ASB7: variants seen among roughly 807,000 people sequenced by gnomAD.
The protein encoded by ASB7 is ankyrin repeat and SOCS box protein 7.
In ASB7, 4 loss-of-function variants were observed where a neutral mutation model predicts 32.5. The ratio of observed to expected loss-of-function variants is 0.12; its 90% CI spans 0.06 to 0.28. The LOEUF (loss-of-function observed/expected upper bound fraction) is 0.28. Ranked by LOEUF, ASB7 falls within the 10% of genes least tolerant of loss-of-function variation. ASB7 has a pLI of 1.00. For missense variants in ASB7, 181 were observed against 407.1 expected (o/e 0.44, Z 4.78); for synonymous variants, 172 against 155.6 (o/e 1.11, Z -0.78).
At chr15:100,636,102 G>C (rs1009721093) in intron 5 of ASB7, among the ~76,000 whole-genome samples, 1 of 152,152 alleles carries the variant, frequency 6.6e-6, no homozygotes, top group African/African-American at 2.4e-5. Flanking sequence ...TACCATTTCA[G>C]TGTTCGTCAA....
At chr15:100,607,388 C>A (rs144190043) in intron 2 of ASB7, among the ~76,000 whole-genome samples, 9 of 152,262 alleles carry the variant, frequency 5.9e-5, no homozygotes, top group African/African-American at 2.2e-4. Flanking sequence ...CTCTGTCAGG[C>A]GCAGCTCTCA....
At position 100,610,708 on chromosome 15, in the gene ASB7, C is replaced by G. The variant is rs190773046; in HGVS notation, c.-52+880C>G. On this transcript the variant is annotated intron_variant, in intron 3 of 5. Coordinates refer to ENST00000332783, the MANE Select transcript of ASB7 (RefSeq NM_198243.3). The stretch of plus-strand genomic sequence containing the variant: ...ACCTAGGCCTAAGTTTACTTTTGTA[C>G]AGTCTATAGTAAGTTTTGCAAGATA... 8.9e-3 allele frequency among the ~76,000 whole-genome samples: 1,360 copies of G among 152,236 alleles called. 12 individuals carry two copies. Among genetic ancestry groups the G allele is most frequent in the Middle Eastern group, 0.024 (7 of 294 alleles).
rs188873641 is a variant in ASB7 at position 100,634,776 on chromosome 15, C to T, written c.817+4734C>T. Among the ~76,000 whole-genome samples the T allele has an allele frequency of 9.3e-4, 142 of 152,262 alleles. 1 individual carries two copies. The highest frequency in any genetic ancestry group is 1.2e-3 in the Non-Finnish European group (84 of 68,016). On this transcript the variant is annotated intron_variant, in intron 5 of 5. Transcript: ENST00000332783. Reference sequence around the variant, plus strand: ...CCGAGATCACGCCACTGCACTCCAGCCTGGGTGACAGAGTGAGACTCCATC... The same window carrying T: ...CCGAGATCACGCCACTGCACTCCAGTCTGGGTGACAGAGTGAGACTCCATC...
At chr15:100,643,904 C>T (rs1415436613) in intron 5 of ASB7, among the ~76,000 whole-genome samples, 1 of 152,154 alleles carries the variant, frequency 6.6e-6, no homozygotes, top group Non-Finnish European at 1.5e-5. Flanking sequence ...TACGTCAACT[C>T]TTTCCTCTTC....
intron 5 of ASB7, among the ~76,000 whole-genome samples, chr15:100,644,559 G>A (rs941391727): frequency 6.6e-6 from 1 of 152,206 alleles, no homozygotes; most frequent in Admixed American, 6.5e-5. Context: ...TATTCGCCGA[G>A]TACCGTGTCA....
intron 5 of ASB7, among the ~76,000 whole-genome samples, chr15:100,644,267 C>T (rs2039982693): frequency 6.6e-6 from 1 of 152,100 alleles, no homozygotes; most frequent in Non-Finnish European, 1.5e-5. Flanking sequence ...GTAAATAATA[C>T]TTAAAAAGAG....
intron 4 of ASB7, among the ~76,000 whole-genome samples, chr15:100,626,752 T>C (rs2141398061): frequency 6.6e-6 from 1 of 152,262 alleles, no homozygotes; most frequent in Non-Finnish European, 1.5e-5. Flanking sequence ...AAAAAAACTA[T>C]ATAGTATACA....
In ASB7 at chr15:100,618,624, T is replaced by G. The variant is rs556131735; in HGVS notation, c.211+6197T>G. 3.3e-5 allele frequency among the ~76,000 whole-genome samples: 5 copies of G among 149,688 alleles called. No homozygotes were observed. The East Asian group carries it at 9.8e-4, about 29-fold the overall frequency. Reference sequence around the variant, plus strand: ...CCTTCTCACCCTGCTGTGTGTGTGGTGTGTGTGTGTGTGTGTGTGTGGAGA... The same window carrying G: ...CCTTCTCACCCTGCTGTGTGTGTGGGGTGTGTGTGTGTGTGTGTGTGGAGA... On this transcript the variant is annotated intron_variant, in intron 4 of 5. Transcript: ENST00000332783.
intron 5 of ASB7, among the ~76,000 whole-genome samples, chr15:100,642,651 GC>G (rs1350822765): frequency 1.2e-4 from 19 of 152,334 alleles, no homozygotes; most frequent in African/African-American, 4.6e-4. Context: ...AACTTTAGTG[GC>G]TTAAAACAAC....
intron 4 of ASB7, 98 bp downstream of exon 4, chr15:100,612,525 G>A (rs1305122932): frequency 8.8e-7 from 1 of 1,135,334 alleles, no homozygotes; most frequent in Non-Finnish European, 1.3e-6. Context: ...CTTCTCTTCT[G>A]TTAATACTCA....
intron 4 of ASB7, among the ~76,000 whole-genome samples, chr15:100,620,187 G>A (rs952527685): frequency 7.9e-5 from 12 of 152,126 alleles, no homozygotes; most frequent in Non-Finnish European, 1.2e-4. Context: ...TATAACCTAC[G>A]CATATCTTCC....
chr15:100,610,471 G>T (rs1211926123), intron 3 of ASB7, among the ~76,000 whole-genome samples: 1 of 150,108 alleles, frequency 6.7e-6, no homozygotes, highest in Non-Finnish European at 1.5e-5. Context: ...CTCCAACCTG[G>T]GTGACAGAGC....
chr15:100,639,334 A>T (rs1163376380), intron 5 of ASB7, among the ~76,000 whole-genome samples: 2 of 152,244 alleles, frequency 1.3e-5, no homozygotes, highest in Non-Finnish European at 2.9e-5. Flanking sequence ...TTTAAATTTC[A>T]GCAGTAGTCA....
intron 4 of ASB7, 142 bp downstream of exon 4, chr15:100,612,569 T>A: frequency 1.2e-6 from 1 of 800,014 alleles, no homozygotes; most frequent in Non-Finnish European, 2.0e-6. Context: ...GAAGATTTGC[T>A]ATAAGTGTGC....
intron 4 of ASB7, among the ~76,000 whole-genome samples, chr15:100,624,972 A>T (rs2039825737): frequency 6.6e-6 from 1 of 152,244 alleles, no homozygotes; most frequent in Non-Finnish European, 1.5e-5. Flanking sequence ...TCTGAAAATC[A>T]ATAGGCTGAG....
chr15:100,626,858 T>C (rs1329815248), intron 4 of ASB7, among the ~76,000 whole-genome samples: 1 of 152,200 alleles, frequency 6.6e-6, no homozygotes, highest in Non-Finnish European at 1.5e-5. Context: ...CACAGAAGTC[T>C]ACATATGATT....
intron 5 of ASB7, among the ~76,000 whole-genome samples, chr15:100,640,388 G>T (rs2039953297): frequency 6.6e-6 from 1 of 152,118 alleles, no homozygotes; most frequent in Non-Finnish European, 1.5e-5. Context: ...CAAGTGATCT[G>T]CCCGCCTTAG....
intron 4 of ASB7, among the ~76,000 whole-genome samples, chr15:100,621,332 T>TA (rs905692375): frequency 7.2e-5 from 11 of 152,136 alleles, no homozygotes; most frequent in African/African-American, 1.2e-4. Context: ...GATGTAGTTT[T>TA]AAAAAAAGCC....
Position 100,607,476 on chromosome 15 carries a change from C to T in ASB7, c.-173-2231C>T, listed in dbSNP as rs141445133. 1.2e-3 allele frequency among the ~76,000 whole-genome samples: 182 copies of T among 152,244 alleles called. 1 individual carries two copies. The highest frequency in any genetic ancestry group is 4.1e-3 in the African/African-American group (169 of 41,532). ...TCTTTTGTAATAAATTATTTTCTGTCGTAATTCAAAGCAGTGTAGCTGACA... is the reference window on the plus strand; with the variant it reads ...TCTTTTGTAATAAATTATTTTCTGTTGTAATTCAAAGCAGTGTAGCTGACA... On this transcript the variant is annotated intron_variant, in intron 2 of 5. Coordinates refer to ENST00000332783, the MANE Select transcript of ASB7 (RefSeq NM_198243.3).
Sources: gnomAD v4.1 joint callset for allele counts (sites outside exome capture counted in the v4.1 genomes callset) on GRCh38, gnomAD v4.1.1 for gene constraint, MANE v1.5 for transcripts, NCBI Gene and HGNC (gene_info 2026-07-23, HGNC 2026-07-21) for gene names.